Variants in WDR70 observed in about 807,000 individuals in gnomAD.
WDR70 encodes the protein WD repeat domain 70, also known as WD repeat-containing protein 70.
WDR70 carries 53 observed loss-of-function variants against 88.6 expected under a neutral mutation model. The ratio of observed to expected loss-of-function variants is 0.60; its 90% CI spans 0.48 to 0.75. The LOEUF is 0.75. Among genes scored for constraint, WDR70 ranks in the 30% least tolerant of loss-of-function variants. WDR70 has a pLI of 0.00. For missense variants in WDR70, 610 were observed against 823.2 expected (o/e 0.74, Z 3.17); for synonymous variants, 280 against 270.0 (o/e 1.04, Z -0.36).
intron 8 of WDR70, among the ~76,000 whole-genome samples, chr5:37,515,138 A>G (rs551316812): frequency 6.6e-6 from 1 of 152,242 alleles, no homozygotes; most frequent in African/African-American, 2.4e-5. Context: ...GATGAAAAAG[A>G]GAAAAGTGAA....
intron 8 of WDR70, among the ~76,000 whole-genome samples, chr5:37,489,485 G>C (rs1423359091): frequency 2.0e-5 from 3 of 152,184 alleles, no homozygotes; most frequent in Non-Finnish European, 2.9e-5. Flanking sequence ...CTGGGTGCCA[G>C]GTTTGGTGGT....
At chr5:37,700,648 T>C (rs949849333) in intron 11 of WDR70, among the ~76,000 whole-genome samples, 2 of 152,212 alleles carry the variant, frequency 1.3e-5, no homozygotes, top group African/African-American at 4.8e-5. Flanking sequence ...TCAGTCCTGA[T>C]AGTTGTTAAA....
At chr5:37,440,401 A>G (rs1277499286) in intron 6 of WDR70, among the ~76,000 whole-genome samples, 1 of 152,038 alleles carries the variant, frequency 6.6e-6, no homozygotes, top group East Asian at 1.9e-4. Flanking sequence ...GCTGGAGTGC[A>G]GTGGTGCCAT....
At position 37,643,500 on chromosome 5, in the gene WDR70, GT is replaced by G. The variant is rs574325660; in HGVS notation, c.1092+38273del. Among the ~76,000 whole-genome samples, 438 of 146,510 alleles carry G rather than the reference GT, an allele frequency of 3.0e-3. 1 individual carries two copies. Among genetic ancestry groups the G allele is most frequent in the Admixed American group, 3.3e-3 (49 of 14,708 alleles). ...GTGGTTCCATATAAATTTTAGTATA[GT>G]TTTTTTTTTTCTATTTCTGTGAAGA... On this transcript the variant is annotated intron_variant, in intron 10 of 17. Transcript: ENST00000265107.
intron 9 of WDR70, among the ~76,000 whole-genome samples, chr5:37,603,133 A>G (rs902375943): frequency 4.0e-5 from 6 of 151,736 alleles, no homozygotes; most frequent in Non-Finnish European, 5.9e-5. Context: ...TTTCCATAGA[A>G]ATAGAAAAAA....
At chr5:37,527,054 C>T (rs960651107) in intron 9 of WDR70, among the ~76,000 whole-genome samples, 4 of 152,112 alleles carry the variant, frequency 2.6e-5, no homozygotes, top group African/African-American at 9.7e-5. Context: ...GGCCATACTG[C>T]CCAAGGTAAT....
chr5:37,531,295 C>G (rs192997389), intron 9 of WDR70, among the ~76,000 whole-genome samples: 2 of 152,172 alleles, frequency 1.3e-5, no homozygotes, highest in East Asian at 3.9e-4. Context: ...CTGTAAATAT[C>G]TAAATCCATT....
chr5:37,593,514 G>A (rs931733654), intron 9 of WDR70, among the ~76,000 whole-genome samples: 10 of 152,272 alleles, frequency 6.6e-5, no homozygotes, highest in South Asian at 2.1e-4. Context: ...ATTCCATGAC[G>A]TATATGTGCC....
At chr5:37,665,068 A>G (rs1229380102) in intron 10 of WDR70, among the ~76,000 whole-genome samples, 1 of 152,202 alleles carries the variant, frequency 6.6e-6, no homozygotes, top group East Asian at 1.9e-4. Flanking sequence ...TTTTTTAGTC[A>G]AATTGTACTA....
At chr5:37,468,707 A>T (rs1244185818) in intron 7 of WDR70, among the ~76,000 whole-genome samples, 1 of 152,184 alleles carries the variant, frequency 6.6e-6, no homozygotes, top group Non-Finnish European at 1.5e-5. Context: ...TGGGTTCTAC[A>T]TCTGTTTATT....
At chr5:37,689,609 G>A (rs1487352814) in intron 10 of WDR70, among the ~76,000 whole-genome samples, 1 of 152,200 alleles carries the variant, frequency 6.6e-6, no homozygotes, top group Non-Finnish European at 1.5e-5. Flanking sequence ...CAGACCTGCA[G>A]CTGAGGGACC....
At chr5:37,711,533 A>G (rs1747511748) in intron 13 of WDR70, among the ~76,000 whole-genome samples, 1 of 152,146 alleles carries the variant, frequency 6.6e-6, no homozygotes, top group Non-Finnish European at 1.5e-5. Context: ...GCTGGTTAAC[A>G]TCCTCTGTTT....
chr5:37,485,405 A>G, intron 8 of WDR70, among the ~76,000 whole-genome samples: 1 of 152,268 alleles, frequency 6.6e-6, no homozygotes, highest in African/African-American at 2.4e-5. Flanking sequence ...CTTCTTTTTC[A>G]GCTCTCATAC....
intron 9 of WDR70, 65 bp from the exon 10 acceptor site, chr5:37,604,999 A>G (rs1581429500): frequency 7.0e-7 from 1 of 1,432,590 alleles, no homozygotes; most frequent in Non-Finnish European, 9.2e-7. Context: ...ACTCTTCCCT[A>G]TTTTAACCTC....
At chr5:37,478,590 G>T (rs969138708) in intron 7 of WDR70, among the ~76,000 whole-genome samples, 7 of 152,168 alleles carry the variant, frequency 4.6e-5, no homozygotes, top group African/African-American at 1.7e-4. Flanking sequence ...GTGAAGATGG[G>T]GAAATTGAAT....
chr5:37,608,639 C>T (rs1744102212), intron 10 of WDR70, among the ~76,000 whole-genome samples: 1 of 151,856 alleles, frequency 6.6e-6, no homozygotes, highest in African/African-American at 2.4e-5. Context: ...CACTGTGTGG[C>T]CTTGACCTCC....
chr5:37,649,928 G>C (rs1424518404), intron 10 of WDR70, among the ~76,000 whole-genome samples: 2 of 142,006 alleles, frequency 1.4e-5, no homozygotes, highest in Non-Finnish European at 3.1e-5. Context: ...TAGTAGAGGC[G>C]GGGTTTCACT....
At chr5:37,528,242 A>G (rs932538681) in intron 9 of WDR70, among the ~76,000 whole-genome samples, 1 of 152,214 alleles carries the variant, frequency 6.6e-6, no homozygotes, top group African/African-American at 2.4e-5. Context: ...ATGTCCATCA[A>G]TGATAGACTG....
chr5:37,388,918 A>G (rs1310751516), intron 3 of WDR70, among the ~76,000 whole-genome samples: 4 of 151,938 alleles, frequency 2.6e-5, no homozygotes, highest in Non-Finnish European at 4.4e-5. Context: ...AAAGGGGGAA[A>G]TGGCAGCTGA....
Sources: gnomAD v4.1 joint callset for allele counts (sites outside exome capture counted in the v4.1 genomes callset) on GRCh38, gnomAD v4.1.1 for gene constraint, MANE v1.5 for transcripts, NCBI Gene and HGNC (gene_info 2026-07-23, HGNC 2026-07-21) for gene names.